The following CAPN9 variants were observed in gnomAD, a reference collection of about 807,000 sequenced individuals.
CAPN9 encodes the protein calpain-9.
CAPN9 carries 81 observed loss-of-function variants against 92.8 expected under a neutral mutation model. That is an observed-to-expected ratio of 0.87 (90% confidence interval 0.73 to 1.05). CAPN9 has a LOEUF of 1.05. Among genes scored for constraint, CAPN9 ranks in the 50% least tolerant of loss-of-function variants. CAPN9 has a pLI of 0.00. For synonymous variants in CAPN9, 304 were observed against 328.0 expected (o/e 0.93, Z 0.79); for missense variants, 848 against 866.2 (o/e 0.98, Z 0.26).
rs1279798334 is a variant in CAPN9, at chr1:230,780,282, G to A, written c.1218G>A (p.Arg406=). 5 of 1,614,064 alleles carry A rather than the reference G, an allele frequency of 3.1e-6. No homozygotes were observed. Among genetic ancestry groups the A allele is most frequent in the East Asian group, 4.5e-5 (2 of 44,888 alleles). ...TAGCCCTGATGCAGAAAGATAGAAG[G>A]AAACTCAAGAGATTTGGTGCCAATG... ...FLVALMQKDR[R]KLKRFGANVL... is the part of the protein sequence containing the mutation. Residue 406 remains arginine (R), a synonymous_variant, in exon 10 of 20, where the codon AGG becomes AGA. Coordinates refer to ENST00000271971, the MANE Select transcript of CAPN9 (RefSeq NM_006615.3).
intron 1 of CAPN9, among the ~76,000 whole-genome samples, chr1:230,748,354 T>C (rs1318335562): frequency 6.6e-6 from 1 of 152,200 alleles, no homozygotes; most frequent in East Asian, 1.9e-4. Flanking sequence ...TTTGCGGTGC[T>C]GGATTAGTCA....
intron 2 of CAPN9, among the ~76,000 whole-genome samples, chr1:230,757,168 A>C (rs1305812451): frequency 6.6e-6 from 1 of 152,186 alleles, no homozygotes; most frequent in Non-Finnish European, 1.5e-5. Flanking sequence ...TTGAGTATGC[A>C]CAGATTTTGG....
At chr1:230,783,397 C>T (rs936933662) in intron 11 of CAPN9, among the ~76,000 whole-genome samples, 1 of 152,094 alleles carries the variant, frequency 6.6e-6, no homozygotes, top group African/African-American at 2.4e-5. Flanking sequence ...GGAGGTGGAG[C>T]CTGGTGGGAG....
In CAPN9 at chr1:230,754,120, G is replaced by A. The variant is rs1281838441; in HGVS notation, c.214-1217G>A. 2.6e-5 allele frequency among the ~76,000 whole-genome samples: 4 copies of A among 151,976 alleles called. No homozygotes were observed. The East Asian group carries it at 7.8e-4, about 30-fold the overall frequency. On this transcript the variant is annotated intron_variant, in intron 1 of 19. Transcript: ENST00000271971. ...AGGGCTGAGGCAGGCTGGGGGAGGG[G>A]CGGGGCAGGAGGCTGGGAAGGGGCG... is the stretch of plus-strand genomic sequence containing the variant.
chr1:230,751,607 A>AG (rs1207854372), intron 1 of CAPN9, among the ~76,000 whole-genome samples: 1 of 71,674 alleles, frequency 1.4e-5, no homozygotes, highest in African/African-American at 4.8e-5. Context: ...GAAAGAAAGA[A>AG]AGAGAAAGAA....
At chr1:230,788,014 C>T (rs1033873706) in intron 13 of CAPN9, among the ~76,000 whole-genome samples, 1 of 152,114 alleles carries the variant, frequency 6.6e-6, no homozygotes, top group Non-Finnish European at 1.5e-5. Context: ...TGCCATCATG[C>T]TTAGCTAATT....
At chr1:230,796,011 G>A (rs28359730) in intron 18 of CAPN9, among the ~76,000 whole-genome samples, 2 of 147,836 alleles carry the variant, frequency 1.4e-5, no homozygotes, top group African/African-American at 5.1e-5. Context: ...AGGCCACTTC[G>A]AGGTATGAAT....
At chr1:230,801,541 A>T (rs1360790944) in intron 19 of CAPN9, 29 bp from the exon 20 acceptor site, 29 of 1,605,340 alleles carry the variant, frequency 1.8e-5, no homozygotes, top group African/African-American at 2.7e-5. Context: ...AAGGACAACG[A>T]CCCCTCATCT....
Position 230,774,593 on chromosome 1 carries a change from G to A in CAPN9, c.915G>A (p.Lys305=), listed in dbSNP as rs7517389. 89,295 of 1,613,634 alleles carry A rather than the reference G, an allele frequency of 0.055. 3,158 individuals are homozygous for A. Among genetic ancestry groups the A allele is most frequent in the South Asian group, 0.12 (11,249 of 91,056 alleles). Residue 305 remains lysine, a synonymous_variant, in exon 8 of 20, where the codon AAG becomes AAA. Coordinates refer to ENST00000271971, the MANE Select transcript of CAPN9 (RefSeq NM_006615.3). ...EWRSVGPAEQ[K]RLCHTALDDG... The stretch of plus-strand genomic sequence containing the variant: ...GTTCTGTTGGTCCAGCTGAGCAGAA[G>A]CGTCTGTGTCACACTGCTCTGGATG...
In CAPN9 at chr1:230,759,503, A is replaced by G; in HGVS notation, c.284-9A>G. ...ATGAAAATTGTGATTTATGGCTTCC[A>G]TTTTGCAGGAGACTGCTGGCTATTA... On this transcript the variant is annotated splice_polypyrimidine_tract_variant and intron_variant, in intron 2 of 19. Coordinates refer to ENST00000271971, the MANE Select transcript of CAPN9 (RefSeq NM_006615.3). 1 of 1,586,620 alleles carries G rather than the reference A, an allele frequency of 6.3e-7. No individual in the cohort carries two copies. The highest frequency in any genetic ancestry group is 8.6e-7 in the Non-Finnish European group (1 of 1,166,480).
Position 230,784,411 on chromosome 1 carries a change from G to A in CAPN9, c.1482-1570G>A, listed in dbSNP as rs537756873. Among the ~76,000 whole-genome samples, 8 of 152,338 alleles carry A rather than the reference G, an allele frequency of 5.3e-5. No homozygotes were observed. The East Asian group carries it at 7.7e-4, about 15-fold the overall frequency. ...GCAGCACCTCCTCCCATCACAGGCC[G>A]AGAGGCCTAAGAGGAAAAAAATGGC... is the stretch of plus-strand genomic sequence containing the variant. On this transcript the variant is annotated intron_variant, in intron 11 of 19. Coordinates refer to ENST00000271971, the MANE Select transcript of CAPN9 (RefSeq NM_006615.3).
At chr1:230,763,237 G>A (rs182480825) in intron 4 of CAPN9, among the ~76,000 whole-genome samples, 6 of 152,188 alleles carry the variant, frequency 3.9e-5, no homozygotes, top group Admixed American at 1.3e-4. Context: ...ATAAATAATC[G>A]TATATGATAA....
intron 1 of CAPN9, among the ~76,000 whole-genome samples, chr1:230,752,368 C>T (rs2102829267): frequency 6.6e-6 from 1 of 152,358 alleles, no homozygotes; most frequent in South Asian, 2.1e-4. Context: ...CACATCCAGA[C>T]ACCTCCCCAA....
chr1:230,777,594 G>C (rs1397720203), intron 8 of CAPN9, among the ~76,000 whole-genome samples: 1 of 151,522 alleles, frequency 6.6e-6, no homozygotes, highest in African/African-American at 2.4e-5. Flanking sequence ...GACCAACCCA[G>C]CTCTCTCCTG....
intron 1 of CAPN9, among the ~76,000 whole-genome samples, chr1:230,754,524 G>A (rs1665095899): frequency 6.6e-6 from 1 of 151,636 alleles, no homozygotes; most frequent in Admixed American, 6.6e-5. Flanking sequence ...AAGAAACACT[G>A]AGCAGGGTGG....
In CAPN9 at chr1:230,781,228, C is replaced by T. The variant is rs190065639; in HGVS notation, c.1481+520C>T. On this transcript the variant is annotated intron_variant, in intron 11 of 19. Coordinates refer to ENST00000271971, the MANE Select transcript of CAPN9 (RefSeq NM_006615.3). ...GCACATATCCCTTCTAGCTCTGCTC[C>T]CTCGCTCCCTCAAGCAAACCATTGA... Among the ~76,000 whole-genome samples the T allele has an allele frequency of 1.4e-3, 128 of 92,876 alleles. 2 individuals carry two copies. In the East Asian group the frequency reaches 0.023, roughly 17 times the overall value. The allele number at this position is 92,876 out of a possible 152,430, so 60.9% of individuals were successfully genotyped here.
At chr1:230,775,655 C>T (rs565743050) in intron 8 of CAPN9, among the ~76,000 whole-genome samples, 97 of 152,272 alleles carry the variant, frequency 6.4e-4, no homozygotes, top group Middle Eastern at 6.8e-3. Context: ...CGGTGGCTCA[C>T]GCCTGTAATC....
intron 8 of CAPN9, among the ~76,000 whole-genome samples, chr1:230,777,374 G>A (rs1399446542): frequency 4.6e-5 from 7 of 152,056 alleles, no homozygotes; most frequent in Non-Finnish European, 7.4e-5. Context: ...CACTCTGTGC[G>A]TGGAGCCCTT....
intron 1 of CAPN9, among the ~76,000 whole-genome samples, chr1:230,748,262 C>T (rs1251036372): frequency 6.6e-6 from 1 of 152,206 alleles, no homozygotes; most frequent in African/African-American, 2.4e-5. Context: ...CTCTGACAGT[C>T]TGGAGGTGTC....
Sources: allele counts gnomAD v4.1 joint callset (sites outside exome capture counted in the v4.1 genomes callset), GRCh38; gene constraint gnomAD v4.1.1; transcripts MANE v1.5; gene names NCBI Gene and HGNC (gene_info 2026-07-23, HGNC 2026-07-21).